PRKRIP1: variants seen among roughly 807,000 people sequenced by gnomAD.
PRKRIP1 encodes PRKR-interacting protein 1.
In PRKRIP1, 29 loss-of-function variants were observed where a neutral mutation model predicts 29.3. That is an observed-to-expected ratio of 0.99 (90% CI 0.74 to 1.35). PRKRIP1 has a LOEUF of 1.35. Ranked by LOEUF, PRKRIP1 falls within the 40% of genes most tolerant of loss-of-function variation. The pLI, the probability that PRKRIP1 is intolerant of heterozygous loss-of-function variation, is 0.00. For missense variants in PRKRIP1, 247 were observed against 236.8 expected (o/e 1.04, Z -0.28); for synonymous variants, 90 against 85.1 (o/e 1.06, Z -0.32).
intron 5 of PRKRIP1, among the ~76,000 whole-genome samples, chr7:102,418,827 A>G (rs1554573431): frequency 6.6e-6 from 1 of 152,148 alleles, no homozygotes. Context: ...ACTCATTTCA[A>G]GAATTACTTA....
At chr7:102,397,724 G>C in intron 2 of PRKRIP1, 26 bp downstream of exon 2, 3 of 1,590,086 alleles carry the variant, frequency 1.9e-6, no homozygotes, top group Non-Finnish European at 2.6e-6. Flanking sequence ...GTGTGTGTGT[G>C]TGTGTGTGTG....
At chr7:102,417,782 T>C (rs1796594200) in intron 5 of PRKRIP1, among the ~76,000 whole-genome samples, 1 of 151,724 alleles carries the variant, frequency 6.6e-6, no homozygotes, top group Admixed American at 6.6e-5. Context: ...CATGCCCGGC[T>C]CAGTTTTAAA....
At chr7:102,422,594 G>T (rs1476613581) in intron 5 of PRKRIP1, among the ~76,000 whole-genome samples, 1 of 151,348 alleles carries the variant, frequency 6.6e-6, no homozygotes, top group Non-Finnish European at 1.5e-5. Flanking sequence ...CACCGGCCTC[G>T]GCTGTTGAAA....
At chr7:102,404,930 T>A (rs1317604243) in intron 4 of PRKRIP1, among the ~76,000 whole-genome samples, 1 of 135,744 alleles carries the variant, frequency 7.4e-6, no homozygotes, top group Non-Finnish European at 1.6e-5. Context: ...CAGGTCTGTA[T>A]TTTTTTTTTT....
rs375468638 is a variant in PRKRIP1, at chr7:102,396,504, G to A, written c.93G>A (p.Gln31=). The change falls in exon 1 of 6, where the codon CAG becomes CAA. Residue 31 remains glutamine, a synonymous_variant. Coordinates refer to ENST00000397912, the MANE Select transcript of PRKRIP1 (RefSeq NM_024653.4). ...LVIPKNAAEE[Q]KLKLERLMKN... ...TCCCCAAGAATGCGGCGGAGGAGCA[G>A]AAGCTCAAGCTGGAGCGGCTCATGA... The A allele has an allele frequency of 2.5e-6, 4 of 1,610,214 alleles. No homozygotes were observed. The African/African-American group carries it at 4.0e-5, about 16-fold the overall frequency.
chr7:102,416,658 A>C (rs1036166063), intron 5 of PRKRIP1, among the ~76,000 whole-genome samples: 3 of 147,064 alleles, frequency 2.0e-5, no homozygotes, highest in Non-Finnish European at 4.4e-5. Context: ...TGTACTGCCA[A>C]CGTGGCCATC....
chr7:102,422,958 C>G (rs953130794), intron 5 of PRKRIP1: 59 of 310,984 alleles, frequency 1.9e-4, no homozygotes, highest in Non-Finnish European at 3.2e-4. Flanking sequence ...CATTTGGTCC[C>G]GAGCATTTTG....
At chr7:102,409,533 A>G (rs1796321616) in intron 5 of PRKRIP1, among the ~76,000 whole-genome samples, 1 of 151,968 alleles carries the variant, frequency 6.6e-6, no homozygotes, top group South Asian at 2.1e-4. Flanking sequence ...TACAAACAGT[A>G]AAAAATCAGC....
intron 2 of PRKRIP1, among the ~76,000 whole-genome samples, chr7:102,398,014 T>G (rs1795961344): frequency 6.6e-6 from 1 of 151,638 alleles, no homozygotes; most frequent in Non-Finnish European, 1.5e-5. Context: ...GCCACTGCAC[T>G]CCATCCTGGG....
chr7:102,399,721 T>C, intron 3 of PRKRIP1, 73 bp downstream of exon 3: 1 of 1,257,404 alleles, frequency 8.0e-7, no homozygotes, highest in Non-Finnish European at 1.2e-6. Flanking sequence ...GAAAAAAGCA[T>C]TTGAAGAGGC....
intron 5 of PRKRIP1, among the ~76,000 whole-genome samples, chr7:102,408,945 G>A (rs542581109): frequency 3.0e-4 from 41 of 138,748 alleles, no homozygotes; most frequent in Middle Eastern, 3.9e-3. Flanking sequence ...AAGCCAAGGC[G>A]AGTGGATCAC....
rs781972877 is a variant in PRKRIP1 at position 102,425,179 on chromosome 7, T to G, written c.*68T>G. 6.4e-7 allele frequency: 1 copy of G among 1,551,958 alleles called. No homozygotes were observed. The highest frequency in any genetic ancestry group is 1.9e-5 in the Admixed American group (1 of 52,090). On this transcript the variant is annotated 3_prime_UTR_variant, in exon 6 of 6. Coordinates refer to ENST00000397912, the MANE Select transcript of PRKRIP1 (RefSeq NM_024653.4). Reference sequence around the variant, plus strand: ...TGACCAGAAGGGAAAGGCGGCTGTTTGGCTCTTTCTCCCCCGCAAGGACCC... The same window carrying G: ...TGACCAGAAGGGAAAGGCGGCTGTTGGGCTCTTTCTCCCCCGCAAGGACCC...
intron 5 of PRKRIP1, among the ~76,000 whole-genome samples, chr7:102,412,886 T>C (rs1796427646): frequency 6.6e-6 from 1 of 152,196 alleles, no homozygotes; most frequent in Admixed American, 6.6e-5. Flanking sequence ...GACTTGTGTC[T>C]GAAATGACAG....
intron 5 of PRKRIP1, among the ~76,000 whole-genome samples, chr7:102,414,025 C>T (rs1349106447): frequency 6.6e-6 from 1 of 152,022 alleles, no homozygotes; most frequent in Non-Finnish European, 1.5e-5. Flanking sequence ...GTCAGGAGTT[C>T]AAGACCAGCC....
chr7:102,419,286 C>T (rs1362096956), intron 5 of PRKRIP1, among the ~76,000 whole-genome samples: 3 of 152,136 alleles, frequency 2.0e-5, no homozygotes, highest in Admixed American at 2.0e-4. Flanking sequence ...CTGTGGCGGG[C>T]ACCTGTTATC....
chr7:102,410,482 G>A (rs1796352098), intron 5 of PRKRIP1, among the ~76,000 whole-genome samples: 1 of 152,120 alleles, frequency 6.6e-6, no homozygotes, highest in Admixed American at 6.6e-5. Flanking sequence ...GGTCAACTAG[G>A]GCCAGTACCC....
rs1294265367 is a variant in PRKRIP1, at chr7:102,396,492, G to T, written c.81G>T (p.Ala27=). 9 of 1,609,996 alleles carry T rather than the reference G, an allele frequency of 5.6e-6. No individual in the cohort carries two copies. The highest frequency in any genetic ancestry group is 1.3e-5 in the African/African-American group (1 of 74,748). ...EPQTLVIPKN[A]AEEQKLKLER... ...AGACGCTCGTCATCCCCAAGAATGC[G>T]GCGGAGGAGCAGAAGCTCAAGCTGG... The change falls in exon 1 of 6, where the codon GCG becomes GCT. Residue 27 remains alanine, a synonymous_variant. Transcript: ENST00000397912.
At chr7:102,401,565 C>A (rs899295733) in intron 3 of PRKRIP1, among the ~76,000 whole-genome samples, 2 of 152,094 alleles carry the variant, frequency 1.3e-5, no homozygotes, top group Non-Finnish European at 2.9e-5. Context: ...GAGACCCCAT[C>A]TCTACTAAAA....
At chr7:102,399,216 A>G (rs181571913) in intron 2 of PRKRIP1, among the ~76,000 whole-genome samples, 6 of 152,360 alleles carry the variant, frequency 3.9e-5, no homozygotes, top group Non-Finnish European at 5.9e-5. Flanking sequence ...CATTTAATGT[A>G]TCATGGATGT....
Sources: gnomAD v4.1 joint callset for allele counts (sites outside exome capture counted in the v4.1 genomes callset) on GRCh38, gnomAD v4.1.1 for gene constraint, MANE v1.5 for transcripts, NCBI Gene and HGNC (gene_info 2026-07-23, HGNC 2026-07-21) for gene names.